Variants in SNX8 observed in about 807,000 individuals in gnomAD.
SNX8 encodes sorting nexin-8.
SNX8 carries 25 observed loss-of-function variants against 51.6 expected under a neutral mutation model. The ratio of observed to expected loss-of-function variants is 0.48; its 90% CI spans 0.35 to 0.68. The LOEUF (loss-of-function observed/expected upper bound fraction) is 0.68. SNX8 is among the 30% of genes least tolerant of loss of function. The pLI, the probability that SNX8 is intolerant of heterozygous loss-of-function variation, is 0.00. For missense variants in SNX8, 695 were observed against 624.0 expected, an observed-to-expected ratio of 1.11 and a Z score of -1.21; for synonymous variants, 324 against 277.0, an observed-to-expected ratio of 1.17 and a Z score of -1.68.
Position 2,254,856 on chromosome 7 carries a change from G to A in SNX8, c.*200C>T. ...TCTCGACCAGGCTAGCAGGCCACAG[G>A]GCGAAGGACAGTGTGGCCCAGCTGC... On this transcript the variant is annotated 3_prime_UTR_variant, in exon 11 of 11. Transcript: ENST00000222990. 1.7e-6 allele frequency: 1 copy of A among 606,054 alleles called. No individual in the cohort carries two copies. The highest frequency in any genetic ancestry group is 3.0e-6 in the Non-Finnish European group (1 of 336,088). 37.5% of individuals were successfully genotyped at this position (606,054 alleles called of 1,614,324 possible). A position where few individuals can be genotyped will look rare whatever the true frequency, so the allele number is the denominator to read the frequency against.
chr7:2,311,736 G>A (rs1015190891), intron 1 of SNX8, among the ~76,000 whole-genome samples: 1 of 152,120 alleles, frequency 6.6e-6, no homozygotes, highest in Non-Finnish European at 1.5e-5. Flanking sequence ...AGGAGATCGA[G>A]ACCATCCTGG....
At chr7:2,350,327 C>A (rs1009504063) in intron 1 of SNX8, among the ~76,000 whole-genome samples, 2 of 152,208 alleles carry the variant, frequency 1.3e-5, no homozygotes, top group Non-Finnish European at 2.9e-5. Context: ...CCTCTCTCCC[C>A]AGCCAGGTCA....
At chr7:2,314,503 A>AC (rs1377403565), upstream of SNX8, 11 of 1,114,096 alleles carry the variant, frequency 9.9e-6, no homozygotes, top group African/African-American at 1.5e-4. Flanking sequence ...CCCCGCCCAC[A>AC]CCCCGCCTGG....
chr7:2,276,182 G>C (rs187129085), intron 2 of SNX8, among the ~76,000 whole-genome samples: 21 of 152,262 alleles, frequency 1.4e-4, no homozygotes, highest in African/African-American at 4.8e-4. Context: ...CCAGCCGCTG[G>C]CTCCCTGGCA....
chr7:2,251,918 GC>G lies in SNX8; in HGVS notation c.*3137del, dbSNP rs1409142813. On this transcript the variant is annotated 3_prime_UTR_variant, in exon 11 of 11. Transcript: ENST00000222990. ...ACTGACCCGCAAAGCAAGGGCAAAG[GC>G]CTCAGATGCACAGAGCTGCCCTGAC... The G allele has an allele frequency of 6.6e-6, 1 of 152,230 alleles. No homozygotes were observed. The highest frequency in any genetic ancestry group is 2.4e-5 in the African/African-American group (1 of 41,426). 9.4% of individuals were successfully genotyped at this position (152,230 alleles called of 1,614,324 possible). A position where few individuals can be genotyped will look rare whatever the true frequency, so the allele number is the denominator to read the frequency against.
intron 1 of SNX8, among the ~76,000 whole-genome samples, chr7:2,302,452 C>A (rs1435724682): frequency 6.6e-6 from 1 of 151,876 alleles, no homozygotes; most frequent in South Asian, 2.1e-4. Flanking sequence ...CGGCTGGCTA[C>A]AACCTCCACC....
At chr7:2,282,182 C>T (rs1192785575) in intron 1 of SNX8, among the ~76,000 whole-genome samples, 1 of 151,930 alleles carries the variant, frequency 6.6e-6, no homozygotes, top group Non-Finnish European at 1.5e-5. Flanking sequence ...CGCTCCAATC[C>T]GAAAAGATTC....
upstream of SNX8, among the ~76,000 whole-genome samples, chr7:2,317,251 CTTTTTTTTTTTTTTTTTTTTTTTTTTT>C (rs780593342): frequency 1.2e-3 from 53 of 43,120 alleles, no homozygotes; most frequent in South Asian, 8.6e-3. Context: ...CCTGGACCTT[CTTTTTTTTTTTTTTTTTTTTTTTTTTT>C]TTTTTTTTTT....
chr7:2,308,119 A>G (rs1400022651), intron 1 of SNX8, among the ~76,000 whole-genome samples: 3 of 152,142 alleles, frequency 2.0e-5, no homozygotes, highest in Non-Finnish European at 4.4e-5. Context: ...GTAACAAAAC[A>G]TATTTGCAGT....
At chr7:2,317,885 T>A (rs1274883292), upstream of SNX8, among the ~76,000 whole-genome samples, 1 of 152,006 alleles carries the variant, frequency 6.6e-6, no homozygotes, top group Non-Finnish European at 1.5e-5. Context: ...ATAACAACTT[T>A]CCCTAGGCAC....
chr7:2,321,233 A>G (rs1778504797), intron 1 of SNX8, among the ~76,000 whole-genome samples: 1 of 152,108 alleles, frequency 6.6e-6, no homozygotes, highest in South Asian at 2.1e-4. Flanking sequence ...GGTGGGGGGA[A>G]TAATCAGCTC....
At chr7:2,265,259 G>A (rs1440016653) in intron 5 of SNX8, among the ~76,000 whole-genome samples, 1 of 152,184 alleles carries the variant, frequency 6.6e-6, no homozygotes, top group East Asian at 1.9e-4. Flanking sequence ...AGAATGGCAT[G>A]AACCCCGGAG....
At chr7:2,259,507 C>CAGGA (rs1452947539) in intron 7 of SNX8, among the ~76,000 whole-genome samples, 12 of 152,186 alleles carry the variant, frequency 7.9e-5, no homozygotes. Context: ...GGGACACAGC[C>CAGGA]CTGGAATGGG....
chr7:2,278,242 C>G lies in SNX8; in HGVS notation c.158G>C (p.Arg53Pro), dbSNP rs11557151. 1.2e-6 allele frequency: 2 copies of G among 1,610,570 alleles called. No individual in the cohort carries two copies. The highest frequency in any genetic ancestry group is 8.5e-7 in the Non-Finnish European group (1 of 1,177,662). Residue 53 changes from arginine to proline, a missense_variant, in exon 2 of 11, where the codon CGA becomes CCA. By Grantham distance (103) the Arg-to-Pro change is moderately radical (BLOSUM62 -2). Transcript: ENST00000222990. ...AIVQQVPAPS[R>P]MQMPQGNPLL... ...CGGGTTCCCCTGCGGCATCTGCATT[C>G]GACTGGGGGCTGGGACCTGCTGCAC...
At chr7:2,268,537 CGGGA>C (rs1795548493) in intron 5 of SNX8, among the ~76,000 whole-genome samples, 1 of 143,746 alleles carries the variant, frequency 7.0e-6, no homozygotes, top group Non-Finnish European at 1.5e-5. Flanking sequence ...CCGTGCCATC[CGGGA>C]GGGAGGTGGG....
intron 5 of SNX8, among the ~76,000 whole-genome samples, chr7:2,268,502 G>T (rs1177452442): frequency 6.8e-6 from 1 of 146,296 alleles, no homozygotes; most frequent in African/African-American, 2.5e-5. Flanking sequence ...AGGGAGGTGG[G>T]GGGTCAGCCC....
In SNX8 at chr7:2,264,415, C is replaced by T. The variant is rs760588245; in HGVS notation, c.665G>A (p.Arg222Gln). ...ADIQAQFAIS[R>Q]ELIRNIYNSF... ...ATTGTAGATGTTCCGGATCAGCTCCCGGCTGATGGCAAACTGAGCCTGGAT... is the reference window on the plus strand; with the variant it reads ...ATTGTAGATGTTCCGGATCAGCTCCTGGCTGATGGCAAACTGAGCCTGGAT... Residue 222 changes from arginine (R) to glutamine (Q), a missense_variant, in exon 6 of 11, where the codon CGG (arginine) becomes CAG (glutamine). Physicochemically the swap from Arg to Gln is conservative, Grantham distance 43. Coordinates refer to ENST00000222990, the MANE Select transcript of SNX8 (RefSeq NM_013321.4). 3.1e-6 allele frequency: 5 copies of T among 1,612,250 alleles called. No individual in the cohort carries two copies. Among genetic ancestry groups the T allele is most frequent in the Admixed American group, 3.3e-5 (2 of 60,006 alleles).
intron 1 of SNX8, chr7:2,309,960 G>A (rs913726326): frequency 2.2e-5 from 10 of 445,812 alleles, no homozygotes; most frequent in Non-Finnish European, 4.1e-5. Flanking sequence ...AGGAGTCATC[G>A]CCAGGTCAAC....
At chr7:2,342,864 C>G (rs1159264777) in intron 1 of SNX8, among the ~76,000 whole-genome samples, 2 of 151,888 alleles carry the variant, frequency 1.3e-5, no homozygotes, top group Non-Finnish European at 1.5e-5. Flanking sequence ...GCTCTGTCGC[C>G]TAGGCTGGAG....
Sources: allele counts gnomAD v4.1 joint callset (sites outside exome capture counted in the v4.1 genomes callset), GRCh38; gene constraint gnomAD v4.1.1; transcripts MANE v1.5; gene names NCBI Gene and HGNC (gene_info 2026-07-23, HGNC 2026-07-21).